COLEC10: variants seen among roughly 807,000 people sequenced by gnomAD.
COLEC10 encodes the protein collectin subfamily member 10.
In COLEC10, 22 loss-of-function variants were observed where a neutral mutation model predicts 28.4. The ratio of observed to expected loss-of-function variants is 0.78; its 90% CI spans 0.55 to 1.11. The LOEUF (loss-of-function observed/expected upper bound fraction) is 1.11, where lower values mean the gene tolerates loss of function less well. Among genes scored for constraint, COLEC10 ranks in the 50% least tolerant of loss-of-function variants. COLEC10 has a pLI of 0.00. For missense variants in COLEC10, 361 were observed against 344.1 expected (o/e 1.05, Z -0.39); for synonymous variants, 125 against 116.1 (o/e 1.08, Z -0.49).
At chr8:119,071,600 C>T (rs1037586505) in intron 1 of COLEC10, among the ~76,000 whole-genome samples, 2 of 152,140 alleles carry the variant, frequency 1.3e-5, no homozygotes, top group Admixed American at 6.6e-5. Flanking sequence ...TACTCTTTGT[C>T]ATAGTTCCCA....
At chr8:118,986,316 T>C in the COLEC10 span, among the ~76,000 whole-genome samples, 7 of 152,146 alleles carry the variant, frequency 4.6e-5, no homozygotes, top group African/African-American at 1.7e-4. Context: ...CATCTGATGC[T>C]CTGAGCAGCA....
intron 1 of COLEC10, among the ~76,000 whole-genome samples, chr8:119,003,035 C>T (rs1813728963): frequency 6.6e-6 from 1 of 152,094 alleles, no homozygotes; most frequent in Non-Finnish European, 1.5e-5. Flanking sequence ...GAGAAATATT[C>T]TGGCTGAATA....
At position 119,105,952 on chromosome 8, in the gene COLEC10, G is replaced by A. The variant is rs769050369; in HGVS notation, c.595G>A (p.Val199Ile). Residue 199 changes from valine to isoleucine, a missense_variant, in exon 6 of 6, where the codon GTT becomes ATT. Coordinates refer to ENST00000332843, the MANE Select transcript of COLEC10 (RefSeq NM_006438.5). ...TGCCAACACACTCATCGCTGACTAT[G>A]TTGCCAAGAGTGGCTTCTTTCGGGT... ...EAANTLIADY[V>I]AKSGFFRVFI... The A allele has an allele frequency of 5.6e-6, 9 of 1,613,772 alleles. No homozygotes were observed. The highest frequency in any genetic ancestry group is 1.3e-5 in the African/African-American group (1 of 74,906).
chr8:118,953,224 T>A, the COLEC10 span, among the ~76,000 whole-genome samples: 1 of 152,206 alleles, frequency 6.6e-6, no homozygotes, highest in African/African-American at 2.4e-5. Context: ...TGTAACAGCA[T>A]GCTGGTTTCT....
the COLEC10 span, among the ~76,000 whole-genome samples, chr8:118,962,341 GCA>G: frequency 7.2e-5 from 11 of 152,288 alleles, no homozygotes; most frequent in South Asian, 2.3e-3. Flanking sequence ...TTTGTTGAGT[GCA>G]CAGATAAACG....
In COLEC10 at chr8:119,091,145, T is replaced by A; in HGVS notation, c.221-4T>A. On this transcript the variant is annotated splice_region_variant and splice_polypyrimidine_tract_variant and intron_variant, in intron 2 of 5. Coordinates refer to ENST00000332843, the MANE Select transcript of COLEC10 (RefSeq NM_006438.5). ...GATAAAAAGATAACATGTTTGCTTT[T>A]CAGGAATTAAAGGAGAACTGGGTGA... The A allele has an allele frequency of 6.2e-7, 1 of 1,611,548 alleles. No individual in the cohort carries two copies. Among genetic ancestry groups the A allele is most frequent in the Non-Finnish European group, 8.5e-7 (1 of 1,178,060 alleles).
At chr8:119,014,827 T>G (rs1354023918) in intron 2 of COLEC10, among the ~76,000 whole-genome samples, 1 of 151,140 alleles carries the variant, frequency 6.6e-6, no homozygotes, top group Non-Finnish European at 1.5e-5. Flanking sequence ...AACGCAGATT[T>G]TTTTCCCTCT....
At chr8:119,039,101 C>A (rs773737908) in intron 2 of COLEC10, among the ~76,000 whole-genome samples, 41 of 152,084 alleles carry the variant, frequency 2.7e-4, no homozygotes, top group Non-Finnish European at 4.7e-4. Flanking sequence ...CATCTCTCAC[C>A]ATGTTCTCTC....
chr8:119,042,042 C>T (rs548095701), intron 2 of COLEC10, among the ~76,000 whole-genome samples: 10 of 151,700 alleles, frequency 6.6e-5, no homozygotes, highest in South Asian at 4.2e-4. Context: ...CTGTCTCCCA[C>T]GCTGGAGTGC....
chr8:119,058,229 G>A (rs533714880), intron 2 of COLEC10, among the ~76,000 whole-genome samples: 1 of 151,998 alleles, frequency 6.6e-6, no homozygotes, highest in Non-Finnish European at 1.5e-5. Context: ...TTGGAATGCA[G>A]TTTTCATGAT....
At chr8:119,016,380 C>T (rs1384585446) in intron 2 of COLEC10, among the ~76,000 whole-genome samples, 3 of 152,126 alleles carry the variant, frequency 2.0e-5, no homozygotes, top group Non-Finnish European at 4.4e-5. Flanking sequence ...GGCTGCATAG[C>T]ATTCCATGGT....
chr8:119,102,418 G>GTTCTCTTT lies in COLEC10; in HGVS notation c.346+18_346+25dup. ...GCAAAGCAGGTACGATATGTTCAATGTTCTCTTTGATTTCTAGCATGATTC... is the reference window on the plus strand; with the variant it reads ...GCAAAGCAGGTACGATATGTTCAATGTTCTCTTTTTCTCTTTGATTTCTAGCATGATTC... On this transcript the variant is annotated intron_variant, in intron 4 of 5. Transcript: ENST00000332843. 1 of 1,586,622 alleles carries GTTCTCTTT rather than the reference G, an allele frequency of 6.3e-7. No individual in the cohort carries two copies. The highest frequency in any genetic ancestry group is 8.6e-7 in the Non-Finnish European group (1 of 1,164,588).
chr8:119,031,834 G>A (rs1415300929), intron 2 of COLEC10, among the ~76,000 whole-genome samples: 1 of 152,174 alleles, frequency 6.6e-6, no homozygotes, highest in East Asian at 1.9e-4. Context: ...ATGAAAATTT[G>A]TAGAAATAAA....
chr8:119,048,208 A>C (rs1439132901), intron 2 of COLEC10, among the ~76,000 whole-genome samples: 1 of 152,132 alleles, frequency 6.6e-6, no homozygotes, highest in African/African-American at 2.4e-5. Flanking sequence ...TGCCTGATCA[A>C]TGTTTAGCTC....
chr8:119,009,353 C>T (rs1554622979), intron 1 of COLEC10: 1 of 149,932 alleles, frequency 6.7e-6, no homozygotes, highest in Non-Finnish European at 1.5e-5. Context: ...CCTTTCTCTC[C>T]AGACTAAGTT....
the COLEC10 span, among the ~76,000 whole-genome samples, chr8:118,964,902 T>C: frequency 6.6e-6 from 1 of 152,168 alleles, no homozygotes; most frequent in Admixed American, 6.6e-5. Context: ...CTAAGTTATT[T>C]GTAGCAGAAT....
At chr8:118,953,032 G>A in the COLEC10 span, among the ~76,000 whole-genome samples, 1 of 152,210 alleles carries the variant, frequency 6.6e-6, no homozygotes, top group Admixed American at 6.5e-5. Context: ...TTCAAGGGAA[G>A]GAAGGTGAAG....
At chr8:119,068,602 C>T (rs954608240) in intron 1 of COLEC10, 1 of 152,148 alleles carries the variant, frequency 6.6e-6, no homozygotes, top group African/African-American at 2.4e-5. Flanking sequence ...CTTGTCCCTG[C>T]AAATGGGAGA....
At chr8:119,040,130 C>T (rs1814467145) in intron 2 of COLEC10, among the ~76,000 whole-genome samples, 1 of 152,140 alleles carries the variant, frequency 6.6e-6, no homozygotes, top group Non-Finnish European at 1.5e-5. Flanking sequence ...CCAATTAGTA[C>T]AGATAATATT....
Sources: allele counts gnomAD v4.1 joint callset (sites outside exome capture counted in the v4.1 genomes callset), GRCh38; gene constraint gnomAD v4.1.1; transcripts MANE v1.5; gene names NCBI Gene and HGNC (gene_info 2026-07-23, HGNC 2026-07-21).